The following SNX29 variants were observed in gnomAD, a reference collection of about 807,000 sequenced individuals.
SNX29 encodes the protein sorting nexin 29.
Under a neutral mutation model 102.1 loss-of-function variants are expected in SNX29, and 78 were observed. The observed-to-expected ratio is 0.76, with a 90% CI of 0.64 to 0.92. The LOEUF is 0.92. SNX29 is among the 40% of genes least tolerant of loss of function. The pLI is 0.00. For synonymous variants in SNX29, 580 were observed against 414.5 expected (o/e 1.40, Z -4.85); for missense variants, 1,280 against 1,061.7 (o/e 1.21, Z -2.86).
intron 16 of SNX29, among the ~76,000 whole-genome samples, chr16:12,389,954 T>A (rs2083465688): frequency 6.6e-6 from 1 of 152,210 alleles, no homozygotes; most frequent in Admixed American, 6.5e-5. Flanking sequence ...TTCCACTCAT[T>A]GCAGTAGGTC....
intron 20 of SNX29, among the ~76,000 whole-genome samples, chr16:12,529,126 C>T (rs2076864674): frequency 1.3e-5 from 2 of 152,204 alleles, no homozygotes; most frequent in African/African-American, 4.8e-5. Context: ...CTCTGTGCCT[C>T]CCGTTGCCTC....
Position 12,157,478 on chromosome 16 carries a change from C to T in SNX29, c.1595+27720C>T, listed in dbSNP as rs201319306. ...CCAGGGCGGGAGGTTTCACAGCAGC[C>T]GTTTCCTGGGTGTCCTGCTCTCCCA... On this transcript the variant is annotated intron_variant, in intron 13 of 20. Coordinates refer to ENST00000566228, the MANE Select transcript of SNX29 (RefSeq NM_032167.5). Among the ~76,000 whole-genome samples, 26 of 152,236 alleles carry T rather than the reference C, an allele frequency of 1.7e-4. No homozygotes were observed. The East Asian group carries it at 3.5e-3, about 20-fold the overall frequency.
intron 3 of SNX29, among the ~76,000 whole-genome samples, chr16:12,020,736 G>A (rs2056994313): frequency 6.6e-6 from 1 of 151,044 alleles, no homozygotes; most frequent in Non-Finnish European, 1.5e-5. Context: ...CGATTCTCCT[G>A]TCTCAGCCAC....
In SNX29 at chr16:12,126,692, A is replaced by T; in HGVS notation, c.1462A>T (p.Asn488Tyr). Residue 488 changes from asparagine to tyrosine, a missense_variant, in exon 12 of 21, where the codon AAC (asparagine) becomes TAC (tyrosine). Coordinates refer to ENST00000566228, the MANE Select transcript of SNX29 (RefSeq NM_032167.5). Reference sequence around the variant, plus strand: ...CAGGAAGGATGAGCTGGAGGAGGAGAACAGGTACCGTGATTTTCAGGCTTG... The same window carrying T: ...CAGGAAGGATGAGCTGGAGGAGGAGTACAGGTACCGTGATTTTCAGGCTTG... Reference protein sequence around the residue: ...MNRKDELEEENRSLRNLLDGE... With the variant: ...MNRKDELEEEYRSLRNLLDGE... 6.2e-7 allele frequency: 1 copy of T among 1,613,986 alleles called. No individual in the cohort carries two copies.
At chr16:12,180,850 G>C (rs1417530665) in intron 13 of SNX29, among the ~76,000 whole-genome samples, 3 of 152,184 alleles carry the variant, frequency 2.0e-5, no homozygotes, top group Admixed American at 1.3e-4. Flanking sequence ...AGAGGGAGCA[G>C]AGCTCTCTCT....
chr16:12,246,498 G>A (rs993097698), intron 14 of SNX29, among the ~76,000 whole-genome samples: 6 of 152,090 alleles, frequency 3.9e-5, no homozygotes, highest in African/African-American at 1.4e-4. Flanking sequence ...AAAATTAGCT[G>A]GGTGTAGTGG....
intron 13 of SNX29, among the ~76,000 whole-genome samples, chr16:12,140,204 C>G (rs1597024164): frequency 6.6e-6 from 1 of 152,316 alleles, no homozygotes; most frequent in South Asian, 2.1e-4. Context: ...TCTCCTCTCT[C>G]TTTCCCTCGG....
chr16:12,243,836 G>A (rs1040438756), intron 14 of SNX29, among the ~76,000 whole-genome samples: 5 of 152,128 alleles, frequency 3.3e-5, no homozygotes, highest in African/African-American at 9.7e-5. Flanking sequence ...AGACTCATGC[G>A]GATTAAGTAG....
At chr16:12,422,106 CT>C (rs1234025706) in intron 18 of SNX29, among the ~76,000 whole-genome samples, 1 of 152,200 alleles carries the variant, frequency 6.6e-6, no homozygotes, top group Admixed American at 6.5e-5. Flanking sequence ...TCTCTCCTTT[CT>C]TAGGGAAACT....
At chr16:12,541,998 G>A (rs2077363362) in intron 20 of SNX29, among the ~76,000 whole-genome samples, 1 of 152,116 alleles carries the variant, frequency 6.6e-6, no homozygotes. Flanking sequence ...AGTCCAGAAG[G>A]GCTCACGTTT....
chr16:12,162,324 T>C (rs2055822695), intron 13 of SNX29, among the ~76,000 whole-genome samples: 1 of 152,242 alleles, frequency 6.6e-6, no homozygotes, highest in Non-Finnish European at 1.5e-5. Flanking sequence ...TTTGACCCTC[T>C]GAAATGATCA....
intron 14 of SNX29, among the ~76,000 whole-genome samples, chr16:12,204,742 C>G (rs1204898654): frequency 1.3e-5 from 2 of 152,248 alleles, no homozygotes; most frequent in African/African-American, 2.4e-5. Flanking sequence ...ATCAGCCTGT[C>G]TGGTGTGTCG....
intron 5 of SNX29, 130 bp from the exon 6 acceptor site, chr16:12,046,254 C>G: frequency 2.3e-6 from 2 of 854,726 alleles, no homozygotes; most frequent in Non-Finnish European, 3.8e-6. Flanking sequence ...GCAGAGACCT[C>G]AGACAAATCA....
Position 12,256,254 on chromosome 16 carries a change from G to T in SNX29, c.1679-21679G>T, listed in dbSNP as rs113895864. On this transcript the variant is annotated intron_variant, in intron 14 of 20. Transcript: ENST00000566228. ...TGCTATTGAGTTGTTTGAGTTCCTTGTATATTTTGGATATTAACCCCTTAT... is the reference window on the plus strand; with the variant it reads ...TGCTATTGAGTTGTTTGAGTTCCTTTTATATTTTGGATATTAACCCCTTAT... Among the ~76,000 whole-genome samples, 806 of 152,254 alleles carry T rather than the reference G, an allele frequency of 5.3e-3. 7 individuals carry two copies. Among genetic ancestry groups the T allele is most frequent in the African/African-American group, 0.018 (731 of 41,544 alleles).
chr16:12,072,601 T>G (rs8056622), intron 10 of SNX29, among the ~76,000 whole-genome samples: 32,711 of 151,992 alleles, frequency 0.22, 3,681 homozygotes, highest in African/African-American at 0.28. Flanking sequence ...TGCATCAATG[T>G]TCATCAAGGA....
chr16:12,492,973 C>G (rs530624797), intron 19 of SNX29, among the ~76,000 whole-genome samples: 1 of 152,294 alleles, frequency 6.6e-6, no homozygotes, highest in East Asian at 1.9e-4. Flanking sequence ...GTGATGCCTC[C>G]AGCTTTGTTC....
chr16:12,376,194 G>T (rs1033203944), intron 16 of SNX29, among the ~76,000 whole-genome samples: 1 of 152,174 alleles, frequency 6.6e-6, no homozygotes, highest in African/African-American at 2.4e-5. Flanking sequence ...GTTTTAGAAG[G>T]CTGCACACCA....
chr16:12,553,444 C>G (rs779036770), intron 20 of SNX29, among the ~76,000 whole-genome samples: 1 of 152,162 alleles, frequency 6.6e-6, no homozygotes, highest in Non-Finnish European at 1.5e-5. Flanking sequence ...ACCTGCTGAG[C>G]ATGGTGTAGA....
rs149024031 is a variant in SNX29, at chr16:12,212,688, A to G, written c.1678+13005A>G. 4.2e-3 allele frequency among the ~76,000 whole-genome samples: 637 copies of G among 152,158 alleles called. 6 individuals are homozygous for G. Among genetic ancestry groups the G allele is most frequent in the African/African-American group, 0.015 (611 of 41,510 alleles). On this transcript the variant is annotated intron_variant, in intron 14 of 20. Coordinates refer to ENST00000566228, the MANE Select transcript of SNX29 (RefSeq NM_032167.5). The stretch of plus-strand genomic sequence containing the variant: ...TGCTTACTTTTTAATGAGATTATTC[A>G]TTTTTTTCATGACTGATGTGTTTGA...
Sources: gnomAD v4.1 joint callset for allele counts (sites outside exome capture counted in the v4.1 genomes callset) on GRCh38, gnomAD v4.1.1 for gene constraint, MANE v1.5 for transcripts, NCBI Gene and HGNC (gene_info 2026-07-23, HGNC 2026-07-21) for gene names.